Variants in SATB1 observed in about 807,000 individuals in gnomAD.
SATB1 encodes SATB homeobox 1, also known as DNA-binding protein SATB1.
Under a neutral mutation model 86.9 loss-of-function variants are expected in SATB1, and 11 were observed. That is an observed-to-expected ratio of 0.13 (90% confidence interval 0.08 to 0.21). The LOEUF (loss-of-function observed/expected upper bound fraction) is 0.21, where lower values mean the gene tolerates loss of function less well. Among genes scored for constraint, SATB1 ranks in the 10% least tolerant of loss-of-function variants. SATB1 has a pLI of 1.00. For missense variants in SATB1, 551 were observed against 937.6 expected (o/e 0.59, Z 5.39); for synonymous variants, 357 against 357.2 (o/e 1.00, Z 0.01).
chr3:18,407,711 T>A (rs1439570443), intron 5 of SATB1, among the ~76,000 whole-genome samples: 1 of 152,006 alleles, frequency 6.6e-6, no homozygotes, highest in Non-Finnish European at 1.5e-5. Flanking sequence ...ATTAAAGTGA[T>A]GCTAGAGAGC....
chr3:18,418,685 A>G (rs1397734098), intron 2 of SATB1, among the ~76,000 whole-genome samples: 1 of 152,144 alleles, frequency 6.6e-6, no homozygotes, highest in Non-Finnish European at 1.5e-5. Context: ...AAAACCATTC[A>G]ATCCCTTTTT....
At chr3:18,425,722 G>A (rs933489342), upstream of SATB1, among the ~76,000 whole-genome samples, 1 of 151,912 alleles carries the variant, frequency 6.6e-6, no homozygotes, top group Non-Finnish European at 1.5e-5. Flanking sequence ...AGGGCGCAGA[G>A]GGGAGGAGGA....
At chr3:18,431,927 T>C (rs1466806344) in intron 2 of SATB1, among the ~76,000 whole-genome samples, 23 of 152,330 alleles carry the variant, frequency 1.5e-4, no homozygotes, top group South Asian at 2.1e-4. Flanking sequence ...CCAGAAATCC[T>C]GTGCAGGTAT....
intron 6 of SATB1, 56 bp downstream of exon 6, chr3:18,397,122 AC>A: frequency 1.0e-6 from 1 of 956,456 alleles, no homozygotes; most frequent in Non-Finnish European, 1.7e-6. Flanking sequence ...ACTTTGATAA[AC>A]CCCCAAATGA....
intron 3 of SATB1, among the ~76,000 whole-genome samples, 170 bp from the exon 4 acceptor site, chr3:18,416,303 T>C (rs1437460947): frequency 6.6e-6 from 1 of 152,104 alleles, no homozygotes; most frequent in Non-Finnish European, 1.5e-5. Flanking sequence ...ATTCACAGCT[T>C]AGCTTTCCAA....
chr3:18,360,282 G>A (rs904293636), intron 9 of SATB1, among the ~76,000 whole-genome samples: 1 of 152,126 alleles, frequency 6.6e-6, no homozygotes, highest in Non-Finnish European at 1.5e-5. Flanking sequence ...CCCAGAGTGA[G>A]AATCTTTACA....
At chr3:18,383,172 G>A (rs1696147808) in intron 8 of SATB1, among the ~76,000 whole-genome samples, 1 of 152,208 alleles carries the variant, frequency 6.6e-6, no homozygotes, top group Non-Finnish European at 1.5e-5. Context: ...TGTCCCTACT[G>A]GAGCACATGG....
At chr3:18,351,151 GACAA>G (rs1008041182) in intron 10 of SATB1, 10 of 663,258 alleles carry the variant, frequency 1.5e-5, no homozygotes, top group East Asian at 1.1e-4. Flanking sequence ...CCCATGACAT[GACAA>G]ACAAAGCATA....
chr3:18,431,379 A>G (rs1698886026), intron 2 of SATB1, among the ~76,000 whole-genome samples: 1 of 152,100 alleles, frequency 6.6e-6, no homozygotes, highest in Non-Finnish European at 1.5e-5. Context: ...GTGACATTTC[A>G]TATCTATCTA....
chr3:18,359,370 AG>A (rs1236944238), intron 9 of SATB1, among the ~76,000 whole-genome samples: 2 of 151,954 alleles, frequency 1.3e-5, no homozygotes, highest in Non-Finnish European at 2.9e-5. Context: ...GAATTTGAGA[AG>A]GGGGGAGAAA....
At position 18,416,146 on chromosome 3, in the gene SATB1, AAG is replaced by A. The variant is rs1698100406; in HGVS notation, c.389-15_389-14del. 1 of 1,590,142 alleles carries A rather than the reference AAG, an allele frequency of 6.3e-7. No homozygotes were observed. Among genetic ancestry groups the A allele is most frequent in the Admixed American group, 1.7e-5 (1 of 57,250 alleles). On this transcript the variant is annotated splice_polypyrimidine_tract_variant and intron_variant, in intron 3 of 10. Transcript: ENST00000338745. ...ACCTGGATTAGCCCTATTTCAGATA[AAG>A]AGAATATGTCACTAAATATTTTACC...
intron 2 of SATB1, among the ~76,000 whole-genome samples, chr3:18,433,366 A>AT (rs11327654): frequency 6.6e-6 from 1 of 152,108 alleles, no homozygotes; most frequent in Non-Finnish European, 1.5e-5. Flanking sequence ...TTTAGATTCT[A>AT]TTTTTTTAAT....
chr3:18,417,802 T>C, intron 2 of SATB1: 1 of 596,008 alleles, frequency 1.7e-6, no homozygotes, highest in Non-Finnish European at 2.9e-6. Flanking sequence ...ATCAACAATC[T>C]TTGTTACAGT....
At position 18,352,537 on chromosome 3, in the gene SATB1, C is replaced by T. The variant is rs370571293; in HGVS notation, c.1576-342G>A. On this transcript the variant is annotated intron_variant, in intron 9 of 10. Transcript: ENST00000338745. This position sits in a 1 kb window ranked among gnomAD's most constrained non-coding sequence, Gnocchi z 4.1. ...AGTCTTGCACAACTTTGCTATCTGA[C>T]GAGTGGCTGGCCATCTGAGGATACG... is the stretch of plus-strand genomic sequence containing the variant. 3 of 229,606 alleles carry T rather than the reference C, an allele frequency of 1.3e-5. No individual in the cohort carries two copies. Among genetic ancestry groups the T allele is most frequent in the Admixed American group, 1.0e-4 (2 of 19,864 alleles). 14.2% of individuals were successfully genotyped at this position (229,606 alleles called of 1,614,324 possible). A position where few individuals can be genotyped will look rare whatever the true frequency, so the allele number is the denominator to read the frequency against.
chr3:18,445,373 G>C, intron 1 of SATB1: 1 of 985,014 alleles, frequency 1.0e-6, no homozygotes, highest in African/African-American at 1.7e-5. Flanking sequence ...CGGCGGGCCG[G>C]AGGGGCGAGG....
chr3:18,400,377 C>T (rs1697195978), intron 5 of SATB1, among the ~76,000 whole-genome samples: 1 of 152,156 alleles, frequency 6.6e-6, no homozygotes, highest in Non-Finnish European at 1.5e-5. Flanking sequence ...AACATATATT[C>T]AAGTGAGGAT....
chr3:18,421,830 T>G (rs1575171586), intron 1 of SATB1, among the ~76,000 whole-genome samples: 1 of 150,032 alleles, frequency 6.7e-6, no homozygotes. Context: ...TAGGTTGAAG[T>G]GCCAAGCTCA....
rs181470735 is a variant in SATB1 at position 18,434,433 on chromosome 3, C to T, written c.-25+2356G>A. On this transcript the variant is annotated intron_variant, in intron 2 of 3. Coordinates refer to the SATB1 transcript ENST00000414509. ...ACATAGCATAACATTTTTATATGTA[C>T]ACAGATAATATTTGCATGTTATACA... Among the ~76,000 whole-genome samples, 320 of 151,814 alleles carry T rather than the reference C, an allele frequency of 2.1e-3. 1 individual carries two copies. Among genetic ancestry groups the T allele is most frequent in the Admixed American group, 4.3e-3 (66 of 15,258 alleles).
chr3:18,440,602 C>T (rs1376711256), upstream of SATB1, among the ~76,000 whole-genome samples: 2 of 152,106 alleles, frequency 1.3e-5, no homozygotes, highest in Non-Finnish European at 2.9e-5. Context: ...CCTGCTAGCT[C>T]GAAGTAGGAA....
Sources: gnomAD v4.1 joint callset for allele counts (sites outside exome capture counted in the v4.1 genomes callset) on GRCh38, gnomAD v4.1.1 for gene constraint, Gnocchi (gnomAD v3.1) non-coding constraint, MANE v1.5 for transcripts, NCBI Gene and HGNC (gene_info 2026-07-23, HGNC 2026-07-21) for gene names.